C16orf74: variants seen among roughly 807,000 people sequenced by gnomAD.
C16orf74 encodes the protein uncharacterized protein C16orf74.
In C16orf74, 10 loss-of-function variants were observed where a neutral mutation model predicts 6.5. That is an observed-to-expected ratio of 1.54 (90% CI 0.95 to 2.61). The LOEUF (loss-of-function observed/expected upper bound fraction) is 2.61. Ranked by LOEUF, C16orf74 falls within the 30% of genes most tolerant of loss-of-function variation. C16orf74 has a pLI of 0.00. For missense variants in C16orf74, 141 were observed against 105.9 expected, an observed-to-expected ratio of 1.33 and a Z score of -1.45; for synonymous variants, 60 against 42.5, an observed-to-expected ratio of 1.41 and a Z score of -1.60.
intron 2 of C16orf74, among the ~76,000 whole-genome samples, chr16:85,715,251 C>T (rs1029724007): frequency 1.3e-5 from 2 of 151,944 alleles, no homozygotes; most frequent in Admixed American, 6.6e-5. Flanking sequence ...TGGAGAGAGG[C>T]GCCCCTACCC....
chr16:85,708,017 TGGGTC>T lies in C16orf74; in HGVS notation c.217_221del (p.Asp73ArgfsTer77). On this transcript the variant is annotated frameshift_variant, in exon 4 of 4. Coordinates refer to ENST00000284245, the MANE Select transcript of C16orf74 (RefSeq NM_206967.3). LOFTEE classifies it high-confidence loss of function. Reference sequence around the variant, plus strand: ...AACCCAGGACACCTCCTCAGGCTTCTGGGTCGATTTCTCCATCATCTGGGCACGAC... The same window carrying T: ...AACCCAGGACACCTCCTCAGGCTTCTGATTTCTCCATCATCTGGGCACGAC... 1 of 1,552,838 alleles carries T rather than the reference TGGGTC, an allele frequency of 6.4e-7. No individual in the cohort carries two copies. Among genetic ancestry groups the T allele is most frequent in the Non-Finnish European group, 8.7e-7 (1 of 1,147,626 alleles).
intron 1 of C16orf74, among the ~76,000 whole-genome samples, chr16:85,737,039 T>C (rs993143091): frequency 9.3e-5 from 14 of 151,026 alleles, no homozygotes; most frequent in African/African-American, 3.4e-4. Flanking sequence ...TGAGACTTCA[T>C]CTCGAGAAAA....
At chr16:85,745,528 C>T (rs1460637519) in intron 1 of C16orf74, among the ~76,000 whole-genome samples, 2 of 152,220 alleles carry the variant, frequency 1.3e-5, no homozygotes, top group African/African-American at 2.4e-5. Context: ...ATAGCACTGA[C>T]TGTGAGGGAC....
intron 1 of C16orf74, among the ~76,000 whole-genome samples, chr16:85,737,809 C>T (rs1402592098): frequency 6.6e-6 from 1 of 152,054 alleles, no homozygotes; most frequent in Non-Finnish European, 1.5e-5. Context: ...CCAGCTTGGG[C>T]AATAAGAGCG....
chr16:85,721,991 T>C (rs2054088011), intron 2 of C16orf74, among the ~76,000 whole-genome samples: 2 of 150,574 alleles, frequency 1.3e-5, no homozygotes, highest in Non-Finnish European at 3.0e-5. Flanking sequence ...TTTTTTTTTT[T>C]TTTTTTTTTT....
chr16:85,748,952 T>TTTTTTTTTTTTTTTTTG (rs2054405605), intron 1 of C16orf74, among the ~76,000 whole-genome samples: 1 of 149,204 alleles, frequency 6.7e-6, no homozygotes. Context: ...TTTTTTATTT[T>TTTTTTTTTTTTTTTTTG]ATTTTTTTTT....
intron 1 of C16orf74, among the ~76,000 whole-genome samples, chr16:85,739,667 G>T (rs1386108258): frequency 6.6e-6 from 1 of 151,912 alleles, no homozygotes; most frequent in Non-Finnish European, 1.5e-5. Context: ...AGTCATGGTG[G>T]TGCATGCCTG....
chr16:85,724,695 A>G (rs2152061259), intron 2 of C16orf74, among the ~76,000 whole-genome samples: 2 of 152,248 alleles, frequency 1.3e-5, no homozygotes, highest in East Asian at 3.9e-4. Context: ...TGGGGATGAC[A>G]GGGCAGCCAC....
intron 1 of C16orf74, among the ~76,000 whole-genome samples, chr16:85,747,625 C>T (rs947209774): frequency 6.6e-6 from 1 of 152,026 alleles, no homozygotes; most frequent in Admixed American, 6.6e-5. Flanking sequence ...TATCATCTTG[C>T]CCACAAAAAG....
intron 2 of C16orf74, among the ~76,000 whole-genome samples, chr16:85,718,072 A>G (rs396180): frequency 1 from 152,312 of 152,320 alleles, 76,152 homozygotes; most frequent in Non-Finnish European, 1. Flanking sequence ...GCCCTCTACT[A>G]GTTCTTTTTC....
intron 2 of C16orf74, among the ~76,000 whole-genome samples, chr16:85,720,138 C>T (rs971741391): frequency 2.7e-5 from 4 of 150,934 alleles, no homozygotes; most frequent in African/African-American, 9.8e-5. Context: ...TTTACCTTTT[C>T]GAGGCATCCC....
chr16:85,730,933 C>T (rs1388708711), intron 2 of C16orf74, among the ~76,000 whole-genome samples: 4 of 151,156 alleles, frequency 2.6e-5, no homozygotes, highest in African/African-American at 4.9e-5. Flanking sequence ...GTGAACTGGA[C>T]CCCACTCATT....
At chr16:85,709,974 G>C (rs1009897786) in intron 3 of C16orf74, among the ~76,000 whole-genome samples, 190 bp downstream of exon 3, 2 of 152,260 alleles carry the variant, frequency 1.3e-5, no homozygotes, top group Non-Finnish European at 1.5e-5. Flanking sequence ...ACGCCGCGTC[G>C]TGCTGAGGCT....
chr16:85,741,405 G>A (rs1000750286), intron 1 of C16orf74, among the ~76,000 whole-genome samples: 3 of 152,118 alleles, frequency 2.0e-5, no homozygotes, highest in African/African-American at 7.2e-5. Flanking sequence ...AGGCAGGGAG[G>A]GAAGGAGGGA....
chr16:85,710,573 C>T, intron 2 of C16orf74: 1 of 430,702 alleles, frequency 2.3e-6, no homozygotes, highest in Non-Finnish European at 4.1e-6. Flanking sequence ...GCCTCTGGGT[C>T]CAGTTGTCAG....
intron 1 of C16orf74, among the ~76,000 whole-genome samples, chr16:85,748,925 A>ATTTTTTTTTTTTTTTT (rs748594620): frequency 4.1e-5 from 3 of 73,118 alleles, no homozygotes; most frequent in African/African-American, 1.0e-4. Flanking sequence ...GGAGGCTTTG[A>ATTTTTTTTTTTTTTTT]TTTTTTTTTT....
chr16:85,728,651 T>G (rs76720977), intron 2 of C16orf74, among the ~76,000 whole-genome samples: 4,182 of 152,306 alleles, frequency 0.027, 188 homozygotes, highest in African/African-American at 0.095. Context: ...CCCGCACACC[T>G]GCAGCCACCT....
At chr16:85,744,058 G>GAA (rs36002654) in intron 1 of C16orf74, 83 of 143,736 alleles carry the variant, frequency 5.8e-4, no homozygotes, top group Admixed American at 4.8e-4. Context: ...CATCTCAAAA[G>GAA]AAAAAAAAAA....
Position 85,707,944 on chromosome 16 carries a change from C to A in C16orf74, c.*64G>T. On this transcript the variant is annotated 3_prime_UTR_variant, in exon 4 of 4. Transcript: ENST00000284245. The stretch of plus-strand genomic sequence containing the variant: ...AGCACACCTGCTCCAGGCAGCCACG[C>A]CCCCGGACACCTGAAGCCGGGCCGC... The A allele has an allele frequency of 7.0e-7, 1 of 1,419,486 alleles. No individual in the cohort carries two copies. Among genetic ancestry groups the A allele is most frequent in the South Asian group, 1.2e-5 (1 of 81,328 alleles). The allele number at this position is 1,419,486 out of a possible 1,614,324, so 87.9% of individuals were successfully genotyped here.
Sources: gnomAD v4.1 joint callset for allele counts (sites outside exome capture counted in the v4.1 genomes callset) on GRCh38, gnomAD v4.1.1 for gene constraint, MANE v1.5 for transcripts, NCBI Gene and HGNC (gene_info 2026-07-23, HGNC 2026-07-21) for gene names.